LSP1: variants seen among roughly 807,000 people sequenced by gnomAD.
LSP1 encodes lymphocyte specific protein 1, also known as lymphocyte-specific protein 1.
LSP1 carries 32 observed loss-of-function variants against 49.3 expected under a neutral mutation model. That is an observed-to-expected ratio of 0.65 (90% confidence interval 0.49 to 0.87). The LOEUF (loss-of-function observed/expected upper bound fraction) is 0.87. Ranked by LOEUF, LSP1 falls within the 40% of genes least tolerant of loss-of-function variation. The pLI is 0.00. For missense variants in LSP1, 428 were observed against 442.6 expected, an observed-to-expected ratio of 0.97 and a Z score of 0.30; for synonymous variants, 179 against 178.8, an observed-to-expected ratio of 1.00 and a Z score of -0.01.
intron 7 of LSP1, among the ~76,000 whole-genome samples, chr11:1,886,477 G>A (rs1848753972): frequency 6.6e-6 from 1 of 152,218 alleles, no homozygotes; most frequent in Non-Finnish European, 1.5e-5. Flanking sequence ...TACCCCATGA[G>A]GAGCATGGAG....
At chr11:1,864,274 C>T (rs942096196) in intron 1 of LSP1, 16 of 986,202 alleles carry the variant, frequency 1.6e-5, no homozygotes, top group Non-Finnish European at 1.9e-5. Flanking sequence ...TGGACAAGAA[C>T]GGCCGACGAA....
chr11:1,865,306 G>A (rs1847750261), intron 1 of LSP1: 1 of 920,972 alleles, frequency 1.1e-6, no homozygotes, highest in Non-Finnish European at 1.3e-6. Flanking sequence ...GCAGGGCAGG[G>A]TGCCCATGCT....
rs1031953289 is a variant in LSP1, at chr11:1,881,597, G to A, written c.356+1G>A. On this transcript the variant is annotated splice_donor_variant, in intron 3 of 10. Coordinates refer to ENST00000311604, the MANE Select transcript of LSP1 (RefSeq NM_002339.3). LOFTEE classifies it high-confidence loss of function. ...GTCCTGAGGGGGAGCAAGAGGACAG[G>A]TGAGTGAGGGCCTCGAGGGCGGGCG... 2.1e-6 allele frequency: 3 copies of A among 1,401,562 alleles called. No individual in the cohort carries two copies. Among genetic ancestry groups the A allele is most frequent in the Non-Finnish European group, 2.8e-6 (3 of 1,060,882 alleles). 86.8% of individuals were successfully genotyped at this position (1,401,562 alleles called of 1,614,324 possible). A position where few individuals can be genotyped will look rare whatever the true frequency, so the allele number is the denominator to read the frequency against.
At chr11:1,887,378 G>C in intron 9 of LSP1, 64 bp downstream of exon 9, 1 of 1,569,332 alleles carries the variant, frequency 6.4e-7, no homozygotes, top group Non-Finnish European at 8.8e-7. Context: ...AAGAGGGACT[G>C]TCCTCTGTGC....
At chr11:1,865,313 T>C in intron 1 of LSP1, 1 of 878,966 alleles carries the variant, frequency 1.1e-6, no homozygotes. Context: ...AGGGTGCCCA[T>C]GCTGGGCTGC....
At chr11:1,882,494 GC>G (rs957969220) in intron 3 of LSP1, among the ~76,000 whole-genome samples, 4 of 151,850 alleles carry the variant, frequency 2.6e-5, no homozygotes. Flanking sequence ...AGTGCCCACC[GC>G]CCCCCTCCCT....
intron 10 of LSP1, chr11:1,890,081 G>T: frequency 1.4e-6 from 1 of 715,808 alleles, no homozygotes; most frequent in Non-Finnish European, 2.6e-6. Flanking sequence ...CAGAGACAGG[G>T]ACGAAGCCAC....
intron 1 of LSP1, among the ~76,000 whole-genome samples, chr11:1,853,647 G>T (rs536796957): frequency 6.6e-6 from 1 of 152,340 alleles, no homozygotes; most frequent in South Asian, 2.1e-4. Flanking sequence ...TCTGAGAGGG[G>T]CTATCCTGCC....
At chr11:1,888,862 A>G in intron 10 of LSP1, 1 of 376,286 alleles carries the variant, frequency 2.7e-6, no homozygotes, top group Admixed American at 4.2e-5. Flanking sequence ...TTTCATCCCA[A>G]GGCCCCCATC....
At chr11:1,870,781 T>G in intron 1 of LSP1, 1 of 989,334 alleles carries the variant, frequency 1.0e-6, no homozygotes, top group Non-Finnish European at 1.2e-6. Flanking sequence ...CATGGCTAGC[T>G]GGGAAGGAAA....
chr11:1,867,916 A>T (rs1310570058), intron 1 of LSP1, among the ~76,000 whole-genome samples: 3 of 138,620 alleles, frequency 2.2e-5, no homozygotes, highest in African/African-American at 8.2e-5. Context: ...CATTTTCTCC[A>T]GGTCTGGCTG....
chr11:1,888,906 C>T, intron 10 of LSP1: 1 of 462,162 alleles, frequency 2.2e-6, no homozygotes, highest in Non-Finnish European at 3.8e-6. Context: ...CTCTGTTCCC[C>T]TCACACCACT....
In LSP1 at chr11:1,887,495, T is replaced by C. The variant is rs202240419; in HGVS notation, c.952T>C (p.Tyr318His). 111 of 1,613,506 alleles carry C rather than the reference T, an allele frequency of 6.9e-5. No individual in the cohort carries two copies. Among genetic ancestry groups the C allele is most frequent in the Non-Finnish European group, 8.8e-5 (104 of 1,179,896 alleles). The change falls in exon 10 of 11, where the codon TAT (tyrosine) becomes CAT (histidine). Residue 318 changes from tyrosine (Y) to histidine (H), a missense_variant. Transcript: ENST00000311604. The part of the protein sequence containing the change: ...TIKSTPSGKR[Y>H]KFVATGHGKY... ...ACAGAGCACCCCATCTGGGAAGAGGTATAAGTTTGTGGCCACCGGGCATGG... is the reference window on the plus strand; with the variant it reads ...ACAGAGCACCCCATCTGGGAAGAGGCATAAGTTTGTGGCCACCGGGCATGG...
At position 1,890,065 on chromosome 11, in the gene LSP1, C is replaced by G. The variant is rs368220635; in HGVS notation, c.*14-1708C>G. The stretch of plus-strand genomic sequence containing the variant: ...TGCACCTGGGTGACGTGGGTGCCCC[C>G]ACCCCCAGAGACAGGGACGAAGCCA... On this transcript the variant is annotated intron_variant, in intron 10 of 10. Coordinates refer to ENST00000311604, the MANE Select transcript of LSP1 (RefSeq NM_002339.3). The G allele has an allele frequency of 9.9e-4, 705 of 711,072 alleles. 11 individuals carry two copies. The East Asian group carries it at 0.017, about 17-fold the overall frequency. 44.0% of individuals were successfully genotyped at this position (711,072 alleles called of 1,614,324 possible).
At chr11:1,874,178 T>C (rs555890294) in intron 1 of LSP1, among the ~76,000 whole-genome samples, 157 of 8,888 alleles carry the variant, frequency 0.018, 4 homozygotes, top group Middle Eastern at 0.071. Context: ...GGGAGCAGTG[T>C]CGGGGACAGT....
chr11:1,879,347 A>G (rs532622440), intron 1 of LSP1, among the ~76,000 whole-genome samples: 69 of 152,296 alleles, frequency 4.5e-4, no homozygotes, highest in African/African-American at 1.6e-3. Flanking sequence ...CTCCGTCTCA[A>G]ACAAACAAAC....
chr11:1,876,833 C>G (rs570591250), intron 1 of LSP1, among the ~76,000 whole-genome samples: 1 of 152,122 alleles, frequency 6.6e-6, no homozygotes, highest in Non-Finnish European at 1.5e-5. Flanking sequence ...CCACTCCGAA[C>G]GAGGCATCCG....
chr11:1,869,939 G>A (rs933712514), intron 1 of LSP1, among the ~76,000 whole-genome samples: 3 of 152,078 alleles, frequency 2.0e-5, no homozygotes, highest in African/African-American at 7.2e-5. Flanking sequence ...CCCCACACCC[G>A]GTTCTTGGGG....
chr11:1,869,139 TC>T, intron 1 of LSP1: 1 of 475,118 alleles, frequency 2.1e-6, no homozygotes, highest in Non-Finnish European at 2.8e-6. Context: ...TGCCCCAGGC[TC>T]CAAGTGGGCT....
Sources: allele counts gnomAD v4.1 joint callset (sites outside exome capture counted in the v4.1 genomes callset), GRCh38; gene constraint gnomAD v4.1.1; transcripts MANE v1.5; gene names NCBI Gene and HGNC (gene_info 2026-07-23, HGNC 2026-07-21).